Variants in LPA observed in about 807,000 individuals in gnomAD.
The protein encoded by LPA is apolipoprotein(a).
In LPA, 199 loss-of-function variants were observed where a neutral mutation model predicts 197.9. The ratio of observed to expected loss-of-function variants is 1.01; its 90% CI spans 0.90 to 1.13. The LOEUF (loss-of-function observed/expected upper bound fraction) is 1.13. Ranked by LOEUF, LPA falls within the 50% of genes most tolerant of loss-of-function variation. LPA has a pLI of 0.00. For synonymous variants in LPA, 715 were observed against 639.5 expected, an observed-to-expected ratio of 1.12 and a Z score of -1.78; for missense variants, 1,853 against 1,785.8, an observed-to-expected ratio of 1.04 and a Z score of -0.68.
chr6:160,581,489 T>C (rs1397314834), intron 26 of LPA, among the ~76,000 whole-genome samples: 3 of 152,050 alleles, frequency 2.0e-5, no homozygotes, highest in Non-Finnish European at 4.4e-5. Context: ...TTTGTAGAGA[T>C]GAGGGTCTTG....
chr6:160,592,772 A>C (rs539844670), intron 22 of LPA, among the ~76,000 whole-genome samples: 4 of 152,066 alleles, frequency 2.6e-5, no homozygotes, highest in Non-Finnish European at 5.9e-5. Flanking sequence ...GTGTTTCTGG[A>C]GTCACCTTAT....
intron 26 of LPA, among the ~76,000 whole-genome samples, chr6:160,580,347 A>C (rs1778769826): frequency 2.0e-5 from 3 of 152,210 alleles, no homozygotes; most frequent in African/African-American, 7.2e-5. Context: ...TTTTGAGTTT[A>C]TAAAACATAA....
intron 26 of LPA, among the ~76,000 whole-genome samples, chr6:160,580,633 A>G (rs185333155): frequency 1.3e-5 from 2 of 152,264 alleles, no homozygotes; most frequent in Admixed American, 6.5e-5. Flanking sequence ...TCATCTTATG[A>G]GGGTTATAAC....
Position 160,654,049 on chromosome 6 carries a change from TA to T in LPA, c.50-3553del, listed in dbSNP as rs1562354953. Reference sequence around the variant, plus strand: ...TATAATATATATTATATATAATATATAATATATTATATATATTATATATAAT... The same window carrying T: ...TATAATATATATTATATATAATATATATATATTATATATATTATATATAAT... On this transcript the variant is annotated intron_variant, in intron 1 of 38. Transcript: ENST00000316300. 2.4e-3 allele frequency among the ~76,000 whole-genome samples: 23 copies of T among 9,494 alleles called. 1 individual carries two copies. The highest frequency in any genetic ancestry group is 8.5e-3 in the African/African-American group (13 of 1,526). 6.2% of individuals were successfully genotyped at this position (9,494 alleles called of 152,430 possible). A position where few individuals can be genotyped will look rare whatever the true frequency, so the allele number is the denominator to read the frequency against.
intron 36 of LPA, among the ~76,000 whole-genome samples, chr6:160,538,879 T>G (rs1324397362): frequency 6.6e-6 from 1 of 152,126 alleles, no homozygotes; most frequent in African/African-American, 2.4e-5. Flanking sequence ...CTAAGTGACT[T>G]GTTCAAGCCA....
intron 37 of LPA, among the ~76,000 whole-genome samples, chr6:160,532,981 T>C (rs1329258670): frequency 1.3e-5 from 2 of 152,364 alleles, no homozygotes; most frequent in East Asian, 3.9e-4. Flanking sequence ...TGCTATTCTT[T>C]TTATATACTT....
chr6:160,533,745 G>T (rs1231137140), intron 37 of LPA, among the ~76,000 whole-genome samples: 1 of 152,290 alleles, frequency 6.6e-6, no homozygotes, highest in Non-Finnish European at 1.5e-5. Context: ...GGTGGAAATT[G>T]TCCTGATTCA....
intron 17 of LPA, among the ~76,000 whole-genome samples, chr6:160,605,680 G>C (rs1779334677): frequency 6.6e-6 from 1 of 152,116 alleles, no homozygotes; most frequent in Admixed American, 6.5e-5. Flanking sequence ...CATAACAAAA[G>C]GCAAGGTCTT....
At chr6:160,590,909 C>T (rs573764030) in intron 23 of LPA, 35 bp downstream of exon 23, 1 of 1,613,690 alleles carries the variant, frequency 6.2e-7, no homozygotes, top group South Asian at 1.1e-5. Context: ...ATCCCAACGT[C>T]CAAGGGTGTG....
rs767633287 is a variant in LPA, at chr6:160,557,501, A to G, written c.4702T>C (p.Cys1568Arg). Residue 1568 changes from cysteine to arginine, a missense_variant, in exon 29 of 39, where the codon TGT (cysteine) becomes CGT (arginine). Coordinates refer to ENST00000316300, the MANE Select transcript of LPA (RefSeq NM_005577.4). ...KQPWCYTTDPCVRWEYCNLTQ... is the reference protein window; with the variant it reads ...KQPWCYTTDPRVRWEYCNLTQ... ...AGATTGCAGTACTCCCACCTCACAC[A>G]CGGATCGGTTGTGTAACACCAGGGT... 4.3e-6 allele frequency: 7 copies of G among 1,613,762 alleles called. No individual in the cohort carries two copies. The East Asian group carries it at 1.6e-4, about 36-fold the overall frequency.
At chr6:160,597,708 G>A (rs1423461903) in intron 20 of LPA, among the ~76,000 whole-genome samples, 1 of 152,060 alleles carries the variant, frequency 6.6e-6, no homozygotes, top group Non-Finnish European at 1.5e-5. Context: ...CTTAAATCCA[G>A]CAATGCAGTT....
intron 2 of LPA, among the ~76,000 whole-genome samples, chr6:160,648,696 T>C (rs1421439727): frequency 1.3e-5 from 2 of 152,176 alleles, no homozygotes; most frequent in African/African-American, 2.4e-5. Context: ...TCTAACTAGA[T>C]GGGGAGGCCA....
intron 28 of LPA, among the ~76,000 whole-genome samples, chr6:160,558,173 C>G (rs1230471210): frequency 1.3e-5 from 2 of 152,134 alleles, no homozygotes; most frequent in African/African-American, 2.4e-5. Flanking sequence ...CCCACCTCGG[C>G]CTCCCAAAGT....
intron 16 of LPA, among the ~76,000 whole-genome samples, chr6:160,609,166 C>A (rs1466634947): frequency 6.6e-6 from 1 of 152,030 alleles, no homozygotes; most frequent in Non-Finnish European, 1.5e-5. Flanking sequence ...ATACCTAATT[C>A]TTTCGGGTCA....
chr6:160,577,255 A>G lies in LPA; in HGVS notation c.4512T>C (p.His1504=), dbSNP rs1159893204. ...EKSPVVQDCY[H]GDGRSYRGIS... is the part of the protein sequence containing the mutation. ...TGCCTCGATAACTCCGTCCATCACC[A>G]TGGTAGCAATCCTGGACCACAGGGC... The change falls in exon 28 of 39, where the codon CAT becomes CAC. Residue 1504 remains histidine (H), a synonymous_variant. Transcript: ENST00000316300. 5 of 1,613,794 alleles carry G rather than the reference A, an allele frequency of 3.1e-6. No homozygotes were observed. In the South Asian group the frequency reaches 5.5e-5, roughly 18 times the overall value.
intron 28 of LPA, among the ~76,000 whole-genome samples, chr6:160,567,069 A>C (rs1311190234): frequency 6.6e-6 from 1 of 152,216 alleles, no homozygotes; most frequent in Non-Finnish European, 1.5e-5. Flanking sequence ...CCCACTGTCA[A>C]CATTAGACAG....
chr6:160,647,241 G>T (rs959566816), intron 2 of LPA, among the ~76,000 whole-genome samples: 1 of 152,262 alleles, frequency 6.6e-6, no homozygotes, highest in Admixed American at 6.5e-5. Context: ...TGAAGAGGTC[G>T]GACAGCTATG....
chr6:160,601,218 AC>A, intron 18 of LPA, 120 bp from the exon 19 acceptor site: 1 of 798,502 alleles, frequency 1.3e-6, no homozygotes, highest in Non-Finnish European at 2.2e-6. Flanking sequence ...GAGATACCAT[AC>A]AATTGCCACA....
chr6:160,601,702 AG>A (rs1475864957), intron 18 of LPA, among the ~76,000 whole-genome samples: 1 of 152,224 alleles, frequency 6.6e-6, no homozygotes. Flanking sequence ...ATACCGTATC[AG>A]GTGGGTCAAG....
Sources: gnomAD v4.1 joint callset for allele counts (sites outside exome capture counted in the v4.1 genomes callset) on GRCh38, gnomAD v4.1.1 for gene constraint, MANE v1.5 for transcripts, NCBI Gene and HGNC (gene_info 2026-07-23, HGNC 2026-07-21) for gene names.